ZPBP: variants seen among roughly 807,000 people sequenced by gnomAD.
ZPBP encodes zona pellucida-binding protein 1.
A neutral mutation model predicts 44.8 loss-of-function variants in ZPBP; 26 were observed. That is an observed-to-expected ratio of 0.58 (90% confidence interval 0.43 to 0.81). The LOEUF (loss-of-function observed/expected upper bound fraction) is 0.81. ZPBP is among the 30% of genes least tolerant of loss of function. ZPBP has a pLI of 0.00. For synonymous variants in ZPBP, 174 were observed against 153.2 expected, an observed-to-expected ratio of 1.14 and a Z score of -1.00; for missense variants, 409 against 434.0, an observed-to-expected ratio of 0.94 and a Z score of 0.51.
intron 2 of ZPBP, among the ~76,000 whole-genome samples, chr7:49,887,115 G>A (rs1039645108): frequency 1.4e-4 from 21 of 152,140 alleles, no homozygotes; most frequent in Non-Finnish European, 3.1e-4. Flanking sequence ...ATCCTTTATC[G>A]ACAAGGGTTT....
chr7:49,937,516 G>A lies in ZPBP; in HGVS notation c.*12C>T, dbSNP rs763180587. On this transcript the variant is annotated 3_prime_UTR_variant, in exon 8 of 8. Coordinates refer to ENST00000046087, the MANE Select transcript of ZPBP (RefSeq NM_007009.3). The stretch of plus-strand genomic sequence containing the variant: ...GCATTTAATAAACCACTGAATAACT[G>A]AAGATAATGGCTTATAAGCACGTTT... 1.3e-6 allele frequency: 2 copies of A among 1,591,908 alleles called. No individual in the cohort carries two copies. The highest frequency in any genetic ancestry group is 1.7e-5 in the Admixed American group (1 of 59,980).
At position 49,875,613 on chromosome 7, in the gene ZPBP, C is replaced by T. The variant is rs370293856; in HGVS notation, n.510-25099G>A. Among the ~76,000 whole-genome samples, 230 of 151,928 alleles carry T rather than the reference C, an allele frequency of 1.5e-3. 3 individuals are homozygous for T. Among genetic ancestry groups the T allele is most frequent in the African/African-American group, 5.3e-3 (219 of 41,446 alleles). ...TGTGCTTTGCTAGGTGGAAACCCAC[C>T]GCCTTCCAGTATCAGCTCTGTGGCC... On this transcript the variant is annotated intron_variant and non_coding_transcript_variant, in intron 2 of 2. Coordinates refer to the ZPBP transcript ENST00000465922.
In ZPBP at chr7:50,093,237, G is replaced by T; in HGVS notation, c.-43C>A. 1 of 1,482,048 alleles carries T rather than the reference G, an allele frequency of 6.7e-7. No homozygotes were observed. The highest frequency in any genetic ancestry group is 8.9e-7 in the Non-Finnish European group (1 of 1,121,068). The allele number at this position is 1,482,048 out of a possible 1,614,324, so 91.8% of individuals were successfully genotyped here. On this transcript the variant is annotated 5_prime_UTR_variant, in exon 1 of 8. Transcript: ENST00000046087. ...CTGCCCACCGTCCGCGCGGAAGGTC[G>T]TTAGGCAACGCGCGCCCACCTGCAG...
chr7:50,072,624 T>G (rs1006314325), intron 3 of ZPBP, among the ~76,000 whole-genome samples: 35 of 152,316 alleles, frequency 2.3e-4, no homozygotes, highest in African/African-American at 8.2e-4. Flanking sequence ...TTTAGGTGAC[T>G]CAAAACAGAG....
At chr7:50,002,940 T>A (rs1318780204) in intron 6 of ZPBP, among the ~76,000 whole-genome samples, 1 of 152,136 alleles carries the variant, frequency 6.6e-6, no homozygotes, top group Non-Finnish European at 1.5e-5. Flanking sequence ...TACCAAAAAA[T>A]CTAAAACTAA....
At chr7:50,048,714 G>C (rs957840294) in intron 4 of ZPBP, among the ~76,000 whole-genome samples, 1 of 151,790 alleles carries the variant, frequency 6.6e-6, no homozygotes, top group Non-Finnish European at 1.5e-5. Context: ...TATGCCATAG[G>C]CATGGCATAT....
chr7:49,923,775 A>T (rs1291891124), intron 1 of ZPBP, among the ~76,000 whole-genome samples: 4 of 151,918 alleles, frequency 2.6e-5, no homozygotes, highest in Non-Finnish European at 5.9e-5. Context: ...ACTGGTGATA[A>T]TTTTTTCAGC....
chr7:50,081,745 T>C (rs773414018), intron 3 of ZPBP, 29 bp downstream of exon 3: 2 of 1,608,142 alleles, frequency 1.2e-6, no homozygotes, highest in Non-Finnish European at 1.7e-6. Flanking sequence ...TACATTTATT[T>C]AATTACAATA....
At chr7:49,852,343 T>C (rs1487543048) in intron 2 of ZPBP, among the ~76,000 whole-genome samples, 1 of 152,182 alleles carries the variant, frequency 6.6e-6, no homozygotes, top group East Asian at 1.9e-4. Context: ...AGGCTCTGGT[T>C]CAAAGAAGAG....
chr7:49,991,795 T>C (rs1448113061), intron 6 of ZPBP, among the ~76,000 whole-genome samples: 4 of 152,048 alleles, frequency 2.6e-5, no homozygotes, highest in Non-Finnish European at 5.9e-5. Context: ...ATGTCTATTT[T>C]TAGCCTTGTG....
At chr7:50,034,586 G>A (rs1041227977) in intron 4 of ZPBP, among the ~76,000 whole-genome samples, 2 of 151,714 alleles carry the variant, frequency 1.3e-5, no homozygotes, top group Non-Finnish European at 2.9e-5. Flanking sequence ...GTTTTTCTGT[G>A]TTTTCCATAA....
chr7:50,066,087 T>C lies in ZPBP; in HGVS notation c.335-7946A>G, dbSNP rs1464923025. Among the ~76,000 whole-genome samples the C allele has an allele frequency of 1.3e-5, 2 of 150,986 alleles. 1 individual carries two copies. The highest frequency in any genetic ancestry group is 3.0e-5 in the Non-Finnish European group (2 of 67,750). ...TGGGCATCCAATTTGTGGTTTTCTG[T>C]ACAGATGTTTAGGGCTGCTGCTGCT... On this transcript the variant is annotated intron_variant, in intron 3 of 7. Transcript: ENST00000046087.
chr7:49,957,597 T>C (rs529859009), intron 7 of ZPBP, among the ~76,000 whole-genome samples: 1 of 152,278 alleles, frequency 6.6e-6, no homozygotes, highest in African/African-American at 2.4e-5. Context: ...TGGTGTTAAG[T>C]CTTCAGGCAG....
chr7:50,076,952 G>A (rs957022838), intron 3 of ZPBP, among the ~76,000 whole-genome samples: 1 of 151,884 alleles, frequency 6.6e-6, no homozygotes, highest in Non-Finnish European at 1.5e-5. Flanking sequence ...GCTATCCTGA[G>A]CAAAAAGAGC....
At chr7:50,025,712 T>C (rs1213973636) in intron 5 of ZPBP, among the ~76,000 whole-genome samples, 3 of 151,866 alleles carry the variant, frequency 2.0e-5, no homozygotes, top group Non-Finnish European at 2.9e-5. Flanking sequence ...GGTTTGTTAA[T>C]GACTTTTTAC....
chr7:49,977,141 G>T (rs1401278856), intron 7 of ZPBP, among the ~76,000 whole-genome samples: 1 of 73,070 alleles, frequency 1.4e-5, no homozygotes, highest in Non-Finnish European at 2.5e-5. Flanking sequence ...AAATAGAAAT[G>T]TATCTATTTA....
intron 2 of ZPBP, among the ~76,000 whole-genome samples, chr7:49,859,370 G>T (rs1287418857): frequency 2.6e-5 from 4 of 152,036 alleles, no homozygotes; most frequent in Non-Finnish European, 4.4e-5. Flanking sequence ...TAACAAGGCT[G>T]TTCTCATATA....
chr7:49,994,797 G>A (rs571845044), intron 6 of ZPBP, among the ~76,000 whole-genome samples: 7 of 152,214 alleles, frequency 4.6e-5, no homozygotes, highest in Middle Eastern at 3.4e-3. Context: ...GGCCTACATG[G>A]CACATAAGCT....
chr7:49,890,249 T>A (rs754827720), intron 2 of ZPBP, among the ~76,000 whole-genome samples: 6 of 152,190 alleles, frequency 3.9e-5, no homozygotes, highest in Non-Finnish European at 8.8e-5. Flanking sequence ...GCGTATTTGA[T>A]AAAAACTTTG....
Sources: gnomAD v4.1 joint callset for allele counts (sites outside exome capture counted in the v4.1 genomes callset) on GRCh38, gnomAD v4.1.1 for gene constraint, MANE v1.5 for transcripts, NCBI Gene and HGNC (gene_info 2026-07-23, HGNC 2026-07-21) for gene names.